ADCY6: variants seen among roughly 807,000 people sequenced by gnomAD.
ADCY6 encodes adenylate cyclase 6.
In ADCY6, 59 loss-of-function variants were observed where a neutral mutation model predicts 111.6. That is an observed-to-expected ratio of 0.53 (90% CI 0.43 to 0.66). ADCY6 has a LOEUF of 0.66. ADCY6 is among the 30% of genes least tolerant of loss of function. The pLI, the probability that ADCY6 is intolerant of heterozygous loss-of-function variation, is 0.00. For missense variants in ADCY6, 1,242 were observed against 1,595.6 expected, an observed-to-expected ratio of 0.78 and a Z score of 3.78; for synonymous variants, 576 against 642.9, an observed-to-expected ratio of 0.90 and a Z score of 1.57.
chr12:48,776,677 G>A lies in ADCY6; in HGVS notation c.1377-91C>T, dbSNP rs1592160196. The A allele has an allele frequency of 2.7e-6, 4 of 1,477,398 alleles. No individual in the cohort carries two copies. In the East Asian group the frequency reaches 9.5e-5, roughly 35 times the overall value. The allele number at this position is 1,477,398 out of a possible 1,614,324, so 91.5% of individuals were successfully genotyped here. A position where few individuals can be genotyped will look rare whatever the true frequency, so the allele number is the denominator to read the frequency against. Reference sequence around the variant, plus strand: ...CCTTCACTCCTCTCAGGGCCCAGCGGGCAAGGACAGACCCAGATGCAGGGG... The same window carrying A: ...CCTTCACTCCTCTCAGGGCCCAGCGAGCAAGGACAGACCCAGATGCAGGGG... On this transcript the variant is annotated intron_variant, in intron 6 of 21. Transcript: ENST00000357869. The surrounding 1 kb of genome is among the most constrained non-coding windows in gnomAD (Gnocchi z 6.1).
Position 48,782,453 on chromosome 12 carries a change from C to T in ADCY6, c.864+118G>A, listed in dbSNP as rs1941866581. On this transcript the variant is annotated intron_variant, in intron 2 of 21. Coordinates refer to ENST00000357869, the MANE Select transcript of ADCY6 (RefSeq NM_015270.5). The surrounding 1 kb of genome is among the most constrained non-coding windows in gnomAD (Gnocchi z 4.3). ...CCTCCTCCCAGATACAGCCAGACAT[C>T]CCTGCACCCAGCTTCCACCCATGAC... is the stretch of plus-strand genomic sequence containing the variant. 6 of 1,462,390 alleles carry T rather than the reference C, an allele frequency of 4.1e-6. No individual in the cohort carries two copies. Among genetic ancestry groups the T allele is most frequent in the Non-Finnish European group, 4.5e-6 (5 of 1,105,820 alleles). The allele number at this position is 1,462,390 out of a possible 1,614,324, so 90.6% of individuals were successfully genotyped here. A position where few individuals can be genotyped will look rare whatever the true frequency, so the allele number is the denominator to read the frequency against.
Position 48,771,541 on chromosome 12 carries a change from G to T in ADCY6, c.3051+169C>A. 1 of 1,122,950 alleles carries T rather than the reference G, an allele frequency of 8.9e-7. No homozygotes were observed. Among genetic ancestry groups the T allele is most frequent in the Non-Finnish European group, 1.3e-6 (1 of 762,896 alleles). 69.6% of individuals were successfully genotyped at this position (1,122,950 alleles called of 1,614,324 possible). The stretch of plus-strand genomic sequence containing the variant: ...TAGGGCTGACCCCCTTGCTGCCTCT[G>T]ACACCTTCATGGGTTCTTGCCTCTG... On this transcript the variant is annotated intron_variant, in intron 19 of 21. Coordinates refer to ENST00000357869, the MANE Select transcript of ADCY6 (RefSeq NM_015270.5). This position sits in a 1 kb window ranked among gnomAD's most constrained non-coding sequence, Gnocchi z 4.3.
At chr12:48,780,084 G>C (rs1941803803) in intron 2 of ADCY6, among the ~76,000 whole-genome samples, 1 of 152,170 alleles carries the variant, frequency 6.6e-6, no homozygotes, top group Non-Finnish European at 1.5e-5. Flanking sequence ...GAGAAGGGAA[G>C]GGGGGCAAAC....
chr12:48,770,284 G>A (rs1057123073), intron 20 of ADCY6, among the ~76,000 whole-genome samples: 1 of 152,040 alleles, frequency 6.6e-6, no homozygotes, highest in Non-Finnish European at 1.5e-5. Flanking sequence ...GCTTAGAGAA[G>A]TTAGAAGACT....
chr12:48,774,459 G>A lies in ADCY6; in HGVS notation c.2226C>T (p.Ser742=). 1 of 1,614,018 alleles carries A rather than the reference G, an allele frequency of 6.2e-7. No individual in the cohort carries two copies. The highest frequency in any genetic ancestry group is 1.1e-5 in the South Asian group (1 of 91,076). Residue 742 remains serine (S), a synonymous_variant, in exon 14 of 22, where the codon AGC becomes AGT. Transcript: ENST00000357869. ...GGACGGAAAAGATGCCAACTGCGGT[G>A]CTATGTGCCCGTGAGCGGACAATGC... ...SRSIVRSRAH[S]TAVGIFSVLL... is the part of the protein sequence containing the mutation.
intron 1 of ADCY6, among the ~76,000 whole-genome samples, chr12:48,785,494 C>T (rs1426389648): frequency 6.6e-6 from 1 of 152,194 alleles, no homozygotes; most frequent in African/African-American, 2.4e-5. Flanking sequence ...TGGCGCATGC[C>T]TGTAATCCCA....
chr12:48,781,000 A>G (rs1375542264), intron 2 of ADCY6, among the ~76,000 whole-genome samples: 2 of 152,160 alleles, frequency 1.3e-5, no homozygotes, highest in East Asian at 3.9e-4. Flanking sequence ...AGAGATCGAG[A>G]CCATCCTGGC....
rs1056386749 is a variant in ADCY6, at chr12:48,770,971, C to G, written c.3052-1G>C. ...GCCGGAACCGCTCCTCGCTGATAATCTGAACAACACAAGGAGACCTGGCTG... is the reference window on the plus strand; with the variant it reads ...GCCGGAACCGCTCCTCGCTGATAATGTGAACAACACAAGGAGACCTGGCTG... On this transcript the variant is annotated splice_acceptor_variant, in intron 19 of 21. Transcript: ENST00000357869. LOFTEE classifies it high-confidence loss of function. 6.2e-7 allele frequency: 1 copy of G among 1,613,770 alleles called. No individual in the cohort carries two copies. Among genetic ancestry groups the G allele is most frequent in the Non-Finnish European group, 8.5e-7 (1 of 1,179,870 alleles).
intron 20 of ADCY6, 50 bp downstream of exon 20, chr12:48,770,716 C>A: frequency 6.4e-7 from 1 of 1,573,338 alleles, no homozygotes; most frequent in South Asian, 1.1e-5. Context: ...ATCCCAGCTT[C>A]ACCTGGAAAA....
Position 48,775,682 on chromosome 12 carries a change from C to T in ADCY6, c.1823G>A (p.Ser608Asn). 1.2e-6 allele frequency: 2 copies of T among 1,613,576 alleles called. No individual in the cohort carries two copies. The highest frequency in any genetic ancestry group is 1.7e-6 in the Non-Finnish European group (2 of 1,179,644). ...AFRQMGIDDS[S>N]KDNRGTQDAL... ...CAGTAACCTGACTTACTTGTCTTTG[C>T]TGGAATCATCAATGCCCTGGAGAAA... The change falls in exon 10 of 22, where the codon AGC becomes AAC. Residue 608 changes from serine to asparagine, a missense_variant. Ser to Asn is a conservative substitution (Grantham distance 46). This residue lies in a region of ADCY6 where 375 missense variants were observed against 432.5 expected (regional missense o/e 0.87). Coordinates refer to ENST00000357869, the MANE Select transcript of ADCY6 (RefSeq NM_015270.5).
intron 1 of ADCY6, among the ~76,000 whole-genome samples, chr12:48,787,894 C>G (rs1018234908): frequency 1.3e-5 from 2 of 152,198 alleles, no homozygotes; most frequent in Non-Finnish European, 2.9e-5. Context: ...CAGCCAAGGC[C>G]AAGGCCCAGC....
chr12:48,773,252 T>A (rs556894201), intron 16 of ADCY6, among the ~76,000 whole-genome samples: 1 of 152,112 alleles, frequency 6.6e-6, no homozygotes, highest in East Asian at 1.9e-4. Flanking sequence ...TTTTTTAATG[T>A]CTAGCCTAAA....
At position 48,782,501 on chromosome 12, in the gene ADCY6, CCCCCACCTGCTTATGAGGTGAGAAATT is replaced by C. The variant is rs1427927821; in HGVS notation, c.864+43_864+69del. 1.3e-6 allele frequency: 2 copies of C among 1,530,828 alleles called. No homozygotes were observed. The highest frequency in any genetic ancestry group is 1.8e-6 in the Non-Finnish European group (2 of 1,137,992). 94.8% of individuals were successfully genotyped at this position (1,530,828 alleles called of 1,614,324 possible). On this transcript the variant is annotated intron_variant, in intron 2 of 21. Transcript: ENST00000357869. The surrounding 1 kb of genome is among the most constrained non-coding windows in gnomAD (Gnocchi z 4.3). Reference sequence around the variant, plus strand: ...GACTCACCCGCCCTTCCTCACTAAGCCCCCACCTGCTTATGAGGTGAGAAATTCCCCACCTGCTGCCCTCCATCCCTA... The same window carrying C: ...GACTCACCCGCCCTTCCTCACTAAGCCCCCACCTGCTGCCCTCCATCCCTA...
At chr12:48,785,896 T>C (rs1337561566) in intron 1 of ADCY6, among the ~76,000 whole-genome samples, 1 of 152,110 alleles carries the variant, frequency 6.6e-6, no homozygotes, top group Admixed American at 6.6e-5. Context: ...GGTAACCAAA[T>C]CAGTCCCAGA....
intron 2 of ADCY6, among the ~76,000 whole-genome samples, chr12:48,778,608 G>A (rs1941767796): frequency 6.6e-6 from 1 of 152,156 alleles, no homozygotes; most frequent in African/African-American, 2.4e-5. Context: ...TCCTTTTGCA[G>A]GTGCTCCTCC....
rs754797649 is a variant in ADCY6 at position 48,775,991 on chromosome 12, G to T, written c.1778C>A (p.Thr593Asn). Residue 593 changes from threonine (T) to asparagine (N), a missense_variant, in exon 9 of 22, where the codon ACC becomes AAC. This residue lies in a region of ADCY6 where 375 missense variants were observed against 432.5 expected (regional missense o/e 0.87). Transcript: ENST00000357869. ...CTGGCGGAAGGCCTTGGAGTCCTTG[G>T]TCCGGGAGAAGGCACGATCAGGAAC... is the stretch of plus-strand genomic sequence containing the variant. ...RWVPDRAFSRTKDSKAFRQMG... is the reference protein window; with the variant it reads ...RWVPDRAFSRNKDSKAFRQMG... The T allele has an allele frequency of 6.2e-6, 10 of 1,609,514 alleles. No homozygotes were observed. The South Asian group carries it at 1.1e-4, about 18-fold the overall frequency.
intron 14 of ADCY6, 62 bp from the exon 15 acceptor site, chr12:48,774,160 TG>T: frequency 6.8e-7 from 1 of 1,472,074 alleles, no homozygotes. Flanking sequence ...AGGTACCTGG[TG>T]AAGCCATGTA....
In ADCY6 at chr12:48,770,765, C is replaced by T. The variant is rs996897311; in HGVS notation, c.3256+1G>A. ...CCCGCCAAGCAACAAAGCCCTCTTA[C>T]CAATCTTCATCTGGAAATTGTTGAA... On this transcript the variant is annotated splice_donor_variant, in intron 20 of 21. Coordinates refer to ENST00000357869, the MANE Select transcript of ADCY6 (RefSeq NM_015270.5). LOFTEE classifies it high-confidence loss of function. 3.1e-6 allele frequency: 5 copies of T among 1,613,688 alleles called. No individual in the cohort carries two copies. The highest frequency in any genetic ancestry group is 1.3e-5 in the African/African-American group (1 of 74,922).
At chr12:48,787,244 C>A (rs1941994326) in intron 1 of ADCY6, among the ~76,000 whole-genome samples, 2 of 152,036 alleles carry the variant, frequency 1.3e-5, no homozygotes, top group South Asian at 4.2e-4. Context: ...CTTATCTCCC[C>A]CAACACACCA....
Sources: gnomAD v4.1 joint callset for allele counts (sites outside exome capture counted in the v4.1 genomes callset) on GRCh38, gnomAD v4.1.1 for gene constraint, gnomAD v4.1.1 regional missense constraint, Gnocchi (gnomAD v3.1) non-coding constraint, MANE v1.5 for transcripts, NCBI Gene and HGNC (gene_info 2026-07-23, HGNC 2026-07-21) for gene names.